GALNT9: variants seen among roughly 807,000 people sequenced by gnomAD.
GALNT9 encodes GalNAc transferase 9.
GALNT9 carries 47 observed loss-of-function variants against 63.1 expected under a neutral mutation model. That is an observed-to-expected ratio of 0.75 (90% CI 0.59 to 0.95). The LOEUF (loss-of-function observed/expected upper bound fraction) is 0.95, where lower values mean the gene tolerates loss of function less well. Among genes scored for constraint, GALNT9 ranks in the 40% least tolerant of loss-of-function variants. The pLI is 0.00. For missense variants in GALNT9, 829 were observed against 874.8 expected (o/e 0.95, Z 0.66); for synonymous variants, 396 against 365.7 (o/e 1.08, Z -0.94).
At chr12:132,230,599 C>T (rs1033282765) in intron 6 of GALNT9, among the ~76,000 whole-genome samples, 22 of 149,646 alleles carry the variant, frequency 1.5e-4, no homozygotes, top group Admixed American at 3.3e-4. Flanking sequence ...ACCTGGCCCT[C>T]GTGGCGGGGA....
At chr12:132,266,722 C>T (rs1879613305) in intron 2 of GALNT9, among the ~76,000 whole-genome samples, 1 of 152,212 alleles carries the variant, frequency 6.6e-6, no homozygotes, top group African/African-American at 2.4e-5. Context: ...CTCCTTGTTA[C>T]AGTGTCCACA....
intron 7 of GALNT9, 69 bp from the exon 8 acceptor site, chr12:132,201,330 G>A: frequency 1.8e-6 from 2 of 1,104,626 alleles, no homozygotes; most frequent in Non-Finnish European, 2.7e-6. Flanking sequence ...CCATAATGAG[G>A]TTGGGGGTCT....
rs1555241472 is a variant in GALNT9 at position 132,279,070 on chromosome 12, G to A, written c.419+7180C>T. The A allele has an allele frequency of 2.0e-5, 3 of 152,378 alleles. No individual in the cohort carries two copies. The highest frequency in any genetic ancestry group is 4.4e-5 in the Non-Finnish European group (3 of 68,144). The allele number at this position is 152,378 out of a possible 1,614,324, so 9.4% of individuals were successfully genotyped here. A position where few individuals can be genotyped will look rare whatever the true frequency, so the allele number is the denominator to read the frequency against. On this transcript the variant is annotated intron_variant, in intron 2 of 10. Coordinates refer to ENST00000328957, the MANE Select transcript of GALNT9 (RefSeq NM_001122636.2). This position sits in a 1 kb window ranked among gnomAD's most constrained non-coding sequence, Gnocchi z 4.1. ...GACTGTCACTGCAGAGGGCTAGAGA[G>A]GGCCGCGTGTGGGACGGCAGGGGCC...
At chr12:132,241,657 G>A (rs1181301125) in intron 6 of GALNT9, among the ~76,000 whole-genome samples, 52 of 3,882 alleles carry the variant, frequency 0.013, no homozygotes, top group Admixed American at 0.02. Flanking sequence ...TTACACACAC[G>A]CCACACCCCC....
chr12:132,218,345 C>T (rs1226748188), intron 6 of GALNT9, among the ~76,000 whole-genome samples: 1 of 152,164 alleles, frequency 6.6e-6, no homozygotes, highest in East Asian at 1.9e-4. Flanking sequence ...CATCCTGACC[C>T]CCAGGTTGTC....
In GALNT9 at chr12:132,198,427, C is replaced by CGGGGCTGGGGCTGGGGCTGGGGCT. The variant is rs57784041; in HGVS notation, c.1498-469_1498-468insAGCCCCAGCCCCAGCCCCAGCCCC. Among the ~76,000 whole-genome samples the CGGGGCTGGGGCTGGGGCTGGGGCT allele has an allele frequency of 5.0e-3, 759 of 151,244 alleles. 3 individuals carry two copies. Among genetic ancestry groups the CGGGGCTGGGGCTGGGGCTGGGGCT allele is most frequent in the South Asian group, 0.015 (74 of 4,778 alleles). On this transcript the variant is annotated intron_variant, in intron 9 of 10. Coordinates refer to ENST00000328957, the MANE Select transcript of GALNT9 (RefSeq NM_001122636.2). ...CCAGCCCCTGACCACTGTGATTCTG[C>CGGGGCTGGGGCTGGGGCTGGGGCT]GGGGCTGGGGCTGGGGCTGGGCCTG...
chr12:132,206,344 ATTAGT>A (rs1251937298), intron 6 of GALNT9, among the ~76,000 whole-genome samples: 1 of 152,050 alleles, frequency 6.6e-6, no homozygotes, highest in African/African-American at 2.4e-5. Flanking sequence ...TGCCAGAGAG[ATTAGT>A]TAAAGGCACA....
intron 6 of GALNT9, among the ~76,000 whole-genome samples, chr12:132,213,866 G>A (rs1424398129): frequency 1.3e-5 from 2 of 152,366 alleles, no homozygotes; most frequent in African/African-American, 4.8e-5. Flanking sequence ...TGCATCAGTT[G>A]GTGCGCGTGG....
At chr12:132,291,400 TCCACAGCGCACAC>T (rs1880831865) in intron 1 of GALNT9, among the ~76,000 whole-genome samples, 18 of 87,672 alleles carry the variant, frequency 2.1e-4, no homozygotes, top group African/African-American at 6.4e-4. Flanking sequence ...AGCACCCACG[TCCACAGCGCACAC>T]GTCCACAGCA....
At chr12:132,218,757 G>A (rs7306486) in intron 6 of GALNT9, among the ~76,000 whole-genome samples, 89,758 of 152,126 alleles carry the variant, frequency 0.59, 26,604 homozygotes, top group East Asian at 0.72. Flanking sequence ...CCTGGATGAC[G>A]GAGGTTTCAG....
At chr12:132,328,534 C>T (rs531768052) in intron 1 of GALNT9, among the ~76,000 whole-genome samples, 1 of 152,298 alleles carries the variant, frequency 6.6e-6, no homozygotes, top group African/African-American at 2.4e-5. Flanking sequence ...CCAAGTGTGG[C>T]GTCCCCACCC....
At chr12:132,271,712 T>C (rs56768693) in intron 2 of GALNT9, among the ~76,000 whole-genome samples, 3,354 of 152,252 alleles carry the variant, frequency 0.022, 128 homozygotes, top group African/African-American at 0.077. Context: ...TGCCGAAGGC[T>C]GTTTCAGGTT....
At chr12:132,311,694 G>A (rs1017321192) in intron 1 of GALNT9, among the ~76,000 whole-genome samples, 3 of 152,280 alleles carry the variant, frequency 2.0e-5, no homozygotes, top group South Asian at 4.2e-4. Context: ...AGCCTCCACC[G>A]TGACCTTTGT....
chr12:132,308,842 C>T (rs1460583056), intron 1 of GALNT9, among the ~76,000 whole-genome samples: 2 of 151,922 alleles, frequency 1.3e-5, no homozygotes, highest in Non-Finnish European at 1.5e-5. Flanking sequence ...CCACGGGGCT[C>T]GGGATGGCCG....
intron 1 of GALNT9, among the ~76,000 whole-genome samples, chr12:132,305,142 C>G (rs1309032139): frequency 3.1e-5 from 2 of 64,526 alleles, no homozygotes; most frequent in Non-Finnish European, 2.7e-5. Flanking sequence ...CAGCCTCGCC[C>G]GGGCACACCC....
rs1053259777 is a variant in GALNT9 at position 132,315,638 on chromosome 12, G to A, written c.238+13328C>T. Among the ~76,000 whole-genome samples the A allele has an allele frequency of 6.6e-6, 1 of 152,194 alleles. No individual in the cohort carries two copies. The highest frequency in any genetic ancestry group is 1.5e-5 in the Non-Finnish European group (1 of 68,042). Reference sequence around the variant, plus strand: ...CCGCGGCTGCTGATCTGAGAAGGTCGCGTCTTCTGGGCCAGTCTCTGTGAA... The same window carrying A: ...CCGCGGCTGCTGATCTGAGAAGGTCACGTCTTCTGGGCCAGTCTCTGTGAA... On this transcript the variant is annotated intron_variant, in intron 1 of 10. Coordinates refer to ENST00000328957, the MANE Select transcript of GALNT9 (RefSeq NM_001122636.2). This position sits in a 1 kb window ranked among gnomAD's most constrained non-coding sequence, Gnocchi z 6.1.
chr12:132,297,417 C>T (rs1191060116), intron 1 of GALNT9, among the ~76,000 whole-genome samples: 1 of 151,224 alleles, frequency 6.6e-6, no homozygotes, highest in African/African-American at 2.4e-5. Context: ...CAATAACCAA[C>T]TCACTCCTGA....
intron 2 of GALNT9, chr12:132,275,557 C>G (rs1170592656): frequency 6.6e-6 from 1 of 152,286 alleles, no homozygotes; most frequent in East Asian, 1.9e-4. Flanking sequence ...TTTGTCATTG[C>G]AGGGACACTT....
intron 1 of GALNT9, among the ~76,000 whole-genome samples, chr12:132,288,552 A>G (rs1389225719): frequency 6.6e-6 from 1 of 152,266 alleles, no homozygotes; most frequent in African/African-American, 2.4e-5. Context: ...CGTGGGGCTC[A>G]GGCCTCAGGT....
Sources: allele counts gnomAD v4.1 joint callset (sites outside exome capture counted in the v4.1 genomes callset), GRCh38; gene constraint gnomAD v4.1.1; non-coding constraint Gnocchi (gnomAD v3.1); transcripts MANE v1.5; gene names NCBI Gene and HGNC (gene_info 2026-07-23, HGNC 2026-07-21).